Variants in RASA1 observed in about 807,000 individuals in gnomAD.
RASA1 encodes ras GTPase-activating protein 1.
In RASA1, 25 loss-of-function variants were observed where a neutral mutation model predicts 132.2. The observed-to-expected ratio is 0.19, with a 90% CI of 0.14 to 0.26. The LOEUF (loss-of-function observed/expected upper bound fraction) is 0.26. RASA1 is among the 10% of genes least tolerant of loss of function. The pLI is 1.00. For synonymous variants in RASA1, 477 were observed against 449.9 expected, an observed-to-expected ratio of 1.06 and a Z score of -0.76; for missense variants, 964 against 1,299.2, an observed-to-expected ratio of 0.74 and a Z score of 3.97.
Position 87,390,894 on chromosome 5 carries a change from C to T in RASA1, c.*11C>T. ...AATGATGTCAGGTAGCAGCCTTCGC[C>T]CCAGTGTTCTGCATGGATTCAGCAT... On this transcript the variant is annotated 3_prime_UTR_variant, in exon 25 of 25. Coordinates refer to ENST00000274376, the MANE Select transcript of RASA1 (RefSeq NM_002890.3). The T allele has an allele frequency of 6.3e-7, 1 of 1,599,526 alleles. No homozygotes were observed. Among genetic ancestry groups the T allele is most frequent in the Non-Finnish European group, 8.6e-7 (1 of 1,166,848 alleles).
At chr5:87,363,730 A>G (rs897215690) in intron 11 of RASA1, among the ~76,000 whole-genome samples, 1 of 152,082 alleles carries the variant, frequency 6.6e-6, no homozygotes, top group Non-Finnish European at 1.5e-5. Context: ...GTAGTAAAGC[A>G]TGTTTTGTCC....
intron 9 of RASA1, among the ~76,000 whole-genome samples, chr5:87,353,920 CAG>C (rs545668825): frequency 1.8e-4 from 27 of 152,170 alleles, no homozygotes; most frequent in African/African-American, 4.8e-4. Context: ...AATGGTATAA[CAG>C]GGGTTAGAAA....
intron 13 of RASA1, among the ~76,000 whole-genome samples, chr5:87,372,956 C>T (rs1761056600): frequency 6.6e-6 from 1 of 152,128 alleles, no homozygotes; most frequent in Non-Finnish European, 1.5e-5. Flanking sequence ...AACCCAAAGT[C>T]TGGCTCTTCC....
chr5:87,358,752 TTCCTACTA>T (rs1374718872), intron 9 of RASA1, among the ~76,000 whole-genome samples: 1 of 152,218 alleles, frequency 6.6e-6, no homozygotes, highest in Non-Finnish European at 1.5e-5. Flanking sequence ...AACTCGTCTC[TTCCTACTA>T]TCCTCCTGCC....
chr5:87,366,049 T>G (rs1184351457), intron 11 of RASA1, among the ~76,000 whole-genome samples: 4 of 152,144 alleles, frequency 2.6e-5, no homozygotes, highest in Admixed American at 2.0e-4. Flanking sequence ...AAGAAAAGTT[T>G]TGATAAAAGT....
At position 87,289,731 on chromosome 5, in the gene RASA1, C is replaced by T. The variant is rs561667961; in HGVS notation, c.539+20741C>T. On this transcript the variant is annotated intron_variant, in intron 1 of 24. Coordinates refer to ENST00000274376, the MANE Select transcript of RASA1 (RefSeq NM_002890.3). ...GTTCAAGCGATCTTCCCACCTCAGCCTTCCTATTAACTAAGACTACAGATG... is the reference window on the plus strand; with the variant it reads ...GTTCAAGCGATCTTCCCACCTCAGCTTTCCTATTAACTAAGACTACAGATG... 3.1e-4 allele frequency among the ~76,000 whole-genome samples: 47 copies of T among 152,280 alleles called. No homozygotes were observed. The South Asian group carries it at 8.9e-3, about 29-fold the overall frequency.
At chr5:87,359,855 T>C (rs1759939093) in intron 9 of RASA1, among the ~76,000 whole-genome samples, 2 of 152,224 alleles carry the variant, frequency 1.3e-5, no homozygotes, top group South Asian at 4.1e-4. Flanking sequence ...TTTTGTTCCA[T>C]GTTTTCATGT....
intron 3 of RASA1, among the ~76,000 whole-genome samples, chr5:87,332,965 C>T (rs756780865): frequency 2.6e-5 from 4 of 151,974 alleles, no homozygotes; most frequent in Admixed American, 6.6e-5. Context: ...TCTGAAATGC[C>T]TTGTGTATCA....
At chr5:87,320,710 G>A (rs1282632265) in intron 1 of RASA1, among the ~76,000 whole-genome samples, 1 of 152,208 alleles carries the variant, frequency 6.6e-6, no homozygotes, top group Non-Finnish European at 1.5e-5. Flanking sequence ...TGAGATTTGG[G>A]TAGGGATACA....
Position 87,352,573 on chromosome 5 carries a change from A to G in RASA1, c.1254-584A>G, listed in dbSNP as rs558137330. Reference sequence around the variant, plus strand: ...TTTATTTTTTTGTAATATTTTCCCAATATTTCCCAATTTGTAGCACTTTTA... The same window carrying G: ...TTTATTTTTTTGTAATATTTTCCCAGTATTTCCCAATTTGTAGCACTTTTA... On this transcript the variant is annotated intron_variant, in intron 8 of 24. Transcript: ENST00000274376. Among the ~76,000 whole-genome samples the G allele has an allele frequency of 4.7e-4, 72 of 151,890 alleles. No homozygotes were observed. In the South Asian group the frequency reaches 5.8e-3, roughly 12 times the overall value.
In RASA1 at chr5:87,341,295, G is replaced by A. The variant is rs2112398085; in HGVS notation, c.1023G>A (p.Arg341=). 7.4e-7 allele frequency: 1 copy of A among 1,348,630 alleles called. No individual in the cohort carries two copies. The highest frequency in any genetic ancestry group is 9.6e-7 in the Non-Finnish European group (1 of 1,041,740). 83.5% of individuals were successfully genotyped at this position (1,348,630 alleles called of 1,614,324 possible). A position where few individuals can be genotyped will look rare whatever the true frequency, so the allele number is the denominator to read the frequency against. Residue 341 remains arginine, a synonymous_variant, in exon 6 of 25, where the codon CGG becomes CGA. Coordinates refer to ENST00000274376, the MANE Select transcript of RASA1 (RefSeq NM_002890.3). Reference sequence around the variant, plus strand: ...TCTTAATGTCTTCCCTTTAGGGCCGGGAAGAAGATCCACATGAAGGAAAAA... The same window carrying A: ...TCTTAATGTCTTCCCTTTAGGGCCGAGAAGAAGATCCACATGAAGGAAAAA... ...IVEDLVEEVG[R]EEDPHEGKIW...
At chr5:87,285,014 G>T (rs1754482158) in intron 1 of RASA1, among the ~76,000 whole-genome samples, 1 of 151,372 alleles carries the variant, frequency 6.6e-6, no homozygotes, top group African/African-American at 2.4e-5. Context: ...CTTTTAAAGT[G>T]CTGCGGAGAT....
chr5:87,340,294 C>T (rs901245355), intron 5 of RASA1, among the ~76,000 whole-genome samples: 4 of 152,086 alleles, frequency 2.6e-5, no homozygotes, highest in Non-Finnish European at 5.9e-5. Flanking sequence ...TTCTGTATTT[C>T]CATAGCACCT....
intron 6 of RASA1, among the ~76,000 whole-genome samples, chr5:87,342,677 C>T (rs868490841): frequency 3.3e-5 from 5 of 152,126 alleles, no homozygotes; most frequent in African/African-American, 1.2e-4. Flanking sequence ...AATATTCACT[C>T]ACGGTGTTAG....
intron 7 of RASA1, among the ~76,000 whole-genome samples, chr5:87,348,598 A>G (rs543508556): frequency 1.3e-5 from 2 of 151,918 alleles, no homozygotes; most frequent in Non-Finnish European, 2.9e-5. Context: ...CTACCTTTAT[A>G]AAAAGCTTTT....
intron 24 of RASA1, among the ~76,000 whole-genome samples, chr5:87,390,484 A>T (rs967032028): frequency 2.0e-5 from 3 of 152,084 alleles, no homozygotes; most frequent in South Asian, 2.1e-4. Context: ...TAGATATTAA[A>T]TAAAAAAAGC....
At position 87,390,899 on chromosome 5, in the gene RASA1, T is replaced by C. The variant is rs770822619; in HGVS notation, c.*16T>C. On this transcript the variant is annotated 3_prime_UTR_variant, in exon 25 of 25. Coordinates refer to ENST00000274376, the MANE Select transcript of RASA1 (RefSeq NM_002890.3). The stretch of plus-strand genomic sequence containing the variant: ...TGTCAGGTAGCAGCCTTCGCCCCAG[T>C]GTTCTGCATGGATTCAGCATGTCCA... 85 of 1,590,250 alleles carry C rather than the reference T, an allele frequency of 5.3e-5. No homozygotes were observed. Among genetic ancestry groups the C allele is most frequent in the Non-Finnish European group, 7.0e-5 (81 of 1,158,504 alleles).
intron 1 of RASA1, among the ~76,000 whole-genome samples, chr5:87,273,433 CA>C (rs1206089374): frequency 6.6e-6 from 1 of 152,032 alleles, no homozygotes. Context: ...AGAAGTTTGT[CA>C]CTAGTACTCC....
At chr5:87,374,349 C>A in intron 14 of RASA1, 29 bp downstream of exon 14, 1 of 1,576,754 alleles carries the variant, frequency 6.3e-7, no homozygotes, top group South Asian at 1.1e-5. Flanking sequence ...TTACATTAAT[C>A]ATTTTCTTTT....
Sources: gnomAD v4.1 joint callset for allele counts (sites outside exome capture counted in the v4.1 genomes callset) on GRCh38, gnomAD v4.1.1 for gene constraint, MANE v1.5 for transcripts, NCBI Gene and HGNC (gene_info 2026-07-23, HGNC 2026-07-21) for gene names.